The following PAK6 variants were observed in gnomAD, a reference collection of about 807,000 sequenced individuals.
PAK6 encodes the protein serine/threonine-protein kinase PAK 6.
PAK6 carries 33 observed loss-of-function variants against 60.8 expected under a neutral mutation model. The ratio of observed to expected loss-of-function variants is 0.54; its 90% CI spans 0.41 to 0.73. The LOEUF (loss-of-function observed/expected upper bound fraction) is 0.73, where lower values mean the gene tolerates loss of function less well. Among genes scored for constraint, PAK6 ranks in the 30% least tolerant of loss-of-function variants. The pLI is 0.00. For missense variants in PAK6, 845 were observed against 904.1 expected (o/e 0.93, Z 0.84); for synonymous variants, 404 against 378.5 (o/e 1.07, Z -0.78).
At position 40,244,303 on chromosome 15, in the gene PAK6, C is replaced by G. The variant is rs564021681; in HGVS notation, c.-118+3622C>G. Reference sequence around the variant, plus strand: ...CTGGGATCGTGCCACTGCACTCCAGCCTGGCCACAGAGCAAGACTCTGTCT... The same window carrying G: ...CTGGGATCGTGCCACTGCACTCCAGGCTGGCCACAGAGCAAGACTCTGTCT... On this transcript the variant is annotated intron_variant, in intron 2 of 10. Coordinates refer to ENST00000560346, the Ensembl canonical transcript of PAK6. Among the ~76,000 whole-genome samples, 69 of 137,686 alleles carry G rather than the reference C, an allele frequency of 5.0e-4. 1 individual carries two copies. The highest frequency in any genetic ancestry group is 1.8e-3 in the African/African-American group (68 of 37,148). The allele number at this position is 137,686 out of a possible 152,430, so 90.3% of individuals were successfully genotyped here.
exon 4 of PAK6, chr15:40,264,921 A>C (rs766638892): frequency 6.2e-7 from 1 of 1,613,828 alleles, no homozygotes; most frequent in Non-Finnish European, 8.5e-7. Context: ...CATCCTGGAC[A>C]CACTGCGGCG....
chr15:40,269,720 C>T (rs1051335311), intron 5 of PAK6, among the ~76,000 whole-genome samples: 1 of 152,206 alleles, frequency 6.6e-6, no homozygotes, highest in Non-Finnish European at 1.5e-5. Flanking sequence ...ACTCCCCAGC[C>T]TATGTCCCAG....
chr15:40,264,602 T>C (rs1467970618), intron 3 of PAK6, 179 bp from the exon 4 acceptor site: 4 of 638,228 alleles, frequency 6.3e-6, no homozygotes, highest in Admixed American at 2.6e-5. Flanking sequence ...TTTCTGGGAC[T>C]GTTCTGCTGG....
At chr15:40,270,150 T>G (rs1440949366) in intron 5 of PAK6, among the ~76,000 whole-genome samples, 1 of 152,174 alleles carries the variant, frequency 6.6e-6, no homozygotes, top group Non-Finnish European at 1.5e-5. Context: ...ACAGGTTGAC[T>G]GTGTGATGCA....
chr15:40,257,065 G>T (rs1219292133), intron 3 of PAK6: 1 of 152,312 alleles, frequency 6.6e-6, no homozygotes, highest in Non-Finnish European at 1.5e-5. Context: ...ACTCGGGCTT[G>T]TGGCCCAGGA....
chr15:40,243,475 A>C (rs2140940238), intron 2 of PAK6, among the ~76,000 whole-genome samples: 1 of 152,342 alleles, frequency 6.6e-6, no homozygotes, highest in East Asian at 1.9e-4. Flanking sequence ...TAAGATAATA[A>C]GTGAATGCTC....
At position 40,274,122 on chromosome 15, in the gene PAK6, G is replaced by A. The variant is rs1566858988; in HGVS notation, c.1744-20G>A. ...GGGCCAGGGTCTGGCCATGGGGTCA[G>A]GGACATTTTCCTCCTGCAGGTGGAT... On this transcript the variant is annotated intron_variant, in intron 9 of 10. Transcript: ENST00000560346. 2 of 1,613,760 alleles carry A rather than the reference G, an allele frequency of 1.2e-6. No individual in the cohort carries two copies. Among genetic ancestry groups the A allele is most frequent in the Non-Finnish European group, 1.7e-6 (2 of 1,179,962 alleles).
chr15:40,261,393 T>C (rs1259766086), intron 3 of PAK6, among the ~76,000 whole-genome samples: 1 of 151,644 alleles, frequency 6.6e-6, no homozygotes, highest in Non-Finnish European at 1.5e-5. Context: ...AAAAATTAGC[T>C]GGGCGTGATG....
At chr15:40,268,781 G>A (rs1395770608) in intron 5 of PAK6, among the ~76,000 whole-genome samples, 1 of 152,210 alleles carries the variant, frequency 6.6e-6, no homozygotes, top group Non-Finnish European at 1.5e-5. Flanking sequence ...AGCTTGCAGG[G>A]ATTAGACATG....
At chr15:40,264,440 C>T (rs2039065028) in intron 3 of PAK6, 2 of 483,346 alleles carry the variant, frequency 4.1e-6, no homozygotes, top group Admixed American at 2.3e-5. Flanking sequence ...AATTCGTTGA[C>T]AGACAGTGGA....
intron 2 of PAK6, among the ~76,000 whole-genome samples, chr15:40,242,531 A>C (rs1289406741): frequency 6.6e-6 from 1 of 152,086 alleles, no homozygotes; most frequent in Non-Finnish European, 1.5e-5. Flanking sequence ...TCAAGGAGAG[A>C]GCTTATTTCT....
intron 5 of PAK6, among the ~76,000 whole-genome samples, chr15:40,267,536 G>A (rs1024416480): frequency 1.1e-4 from 16 of 152,304 alleles, no homozygotes; most frequent in South Asian, 8.3e-4. Flanking sequence ...GCGGGCGCCT[G>A]TAGTCCAAGC....
At chr15:40,256,166 A>C (rs974280143) in intron 3 of PAK6, among the ~76,000 whole-genome samples, 1 of 152,200 alleles carries the variant, frequency 6.6e-6, no homozygotes, top group African/African-American at 2.4e-5. Flanking sequence ...TCGAGGCTGC[A>C]GTAAGCTCTG....
At chr15:40,241,101 A>G (rs934660813) in intron 2 of PAK6, among the ~76,000 whole-genome samples, 2 of 151,964 alleles carry the variant, frequency 1.3e-5, no homozygotes, top group Non-Finnish European at 2.9e-5. Context: ...ACAGATTCTG[A>G]CTCTGAAACT....
At chr15:40,240,500 A>G in intron 1 of PAK6, 99 bp from the exon 2 acceptor site, 2 of 381,662 alleles carry the variant, frequency 5.2e-6, no homozygotes, top group South Asian at 4.1e-5. Flanking sequence ...TGGCAGGACA[A>G]TACCAACCAG....
chr15:40,253,476 C>G (rs927007244), intron 3 of PAK6, among the ~76,000 whole-genome samples, 187 bp downstream of exon 3: 11 of 152,250 alleles, frequency 7.2e-5, no homozygotes, highest in African/African-American at 2.7e-4. Context: ...AAGTCACTTA[C>G]ACCACTTTGC....
chr15:40,273,525 ACCACTCACT>A lies in PAK6; in HGVS notation c.1618-23_1618-15del. On this transcript the variant is annotated splice_polypyrimidine_tract_variant and intron_variant, in intron 8 of 10. Coordinates refer to ENST00000560346, the Ensembl canonical transcript of PAK6. ...CCACGCTCCCACTTCCTCCTGATCC[ACCACTCACT>A]CCCTTTTCAACCGCAGGTGAAGCTC... 1 of 1,613,724 alleles carries A rather than the reference ACCACTCACT, an allele frequency of 6.2e-7. No individual in the cohort carries two copies. The highest frequency in any genetic ancestry group is 1.6e-4 in the Middle Eastern group (1 of 6,062).
chr15:40,257,697 C>T lies in PAK6; in HGVS notation c.-6+4408C>T, dbSNP rs976223682. Among the ~76,000 whole-genome samples, 3 of 152,174 alleles carry T rather than the reference C, an allele frequency of 2.0e-5. 1 individual carries two copies. Among genetic ancestry groups the T allele is most frequent in the South Asian group, 4.2e-4 (2 of 4,818 alleles). Reference sequence around the variant, plus strand: ...TTAACGGCAGGCATCCTCTGTAGTGCCACCCTGCATCTGTGGGGCCCTGAT... The same window carrying T: ...TTAACGGCAGGCATCCTCTGTAGTGTCACCCTGCATCTGTGGGGCCCTGAT... On this transcript the variant is annotated intron_variant, in intron 3 of 10. Coordinates refer to ENST00000560346, the Ensembl canonical transcript of PAK6.
chr15:40,270,907 G>A (rs1031311314), intron 5 of PAK6, among the ~76,000 whole-genome samples: 11 of 152,224 alleles, frequency 7.2e-5, no homozygotes, highest in African/African-American at 2.4e-4. Flanking sequence ...GTCGGGGAAG[G>A]AAGGGAGTGA....
Sources: gnomAD v4.1 joint callset for allele counts (sites outside exome capture counted in the v4.1 genomes callset) on GRCh38, gnomAD v4.1.1 for gene constraint, MANE v1.5 for transcripts, NCBI Gene and HGNC (gene_info 2026-07-23, HGNC 2026-07-21) for gene names.